SBF2: variants seen among roughly 807,000 people sequenced by gnomAD.
SBF2 encodes the protein SET binding factor 2.
Under a neutral mutation model 225.2 loss-of-function variants are expected in SBF2, and 112 were observed. The ratio of observed to expected loss-of-function variants is 0.50; its 90% CI spans 0.43 to 0.58. SBF2 has a LOEUF of 0.58. Among genes scored for constraint, SBF2 ranks in the 20% least tolerant of loss-of-function variants. The pLI is 0.00. For synonymous variants in SBF2, 763 were observed against 773.3 expected, an observed-to-expected ratio of 0.99 and a Z score of 0.22; for missense variants, 1,996 against 2,206.2, an observed-to-expected ratio of 0.90 and a Z score of 1.91.
intron 1 of SBF2, among the ~76,000 whole-genome samples, chr11:10,208,746 G>T (rs1044383294): frequency 1.3e-5 from 2 of 151,982 alleles, no homozygotes; most frequent in Non-Finnish European, 2.9e-5. Flanking sequence ...TAAAATTTCA[G>T]ACAAATTTCT....
chr11:10,180,688 T>A (rs1232349868), intron 2 of SBF2, among the ~76,000 whole-genome samples: 1 of 152,162 alleles, frequency 6.6e-6, no homozygotes, highest in Non-Finnish European at 1.5e-5. Flanking sequence ...TACCTCCTCT[T>A]TAAGGCCAAT....
chr11:10,117,466 T>C (rs1399621094), intron 2 of SBF2, among the ~76,000 whole-genome samples: 3 of 150,016 alleles, frequency 2.0e-5, no homozygotes, highest in Admixed American at 6.6e-5. Flanking sequence ...AAAAAAGATA[T>C]GTATCAAATC....
intron 17 of SBF2, among the ~76,000 whole-genome samples, chr11:9,882,543 T>C (rs1859861062): frequency 6.6e-6 from 1 of 152,156 alleles, no homozygotes; most frequent in Non-Finnish European, 1.5e-5. Context: ...GCATGGTGGC[T>C]CATGTCTGTA....
At chr11:9,896,181 G>C (rs886230055) in intron 16 of SBF2, among the ~76,000 whole-genome samples, 170 bp from the exon 17 acceptor site, 6 of 152,172 alleles carry the variant, frequency 3.9e-5, no homozygotes, top group African/African-American at 1.4e-4. Flanking sequence ...TTGCCATTAA[G>C]ACATAGCTAG....
intron 1 of SBF2, among the ~76,000 whole-genome samples, chr11:10,208,563 G>A (rs897739648): frequency 2.0e-5 from 3 of 151,924 alleles, no homozygotes; most frequent in African/African-American, 7.3e-5. Flanking sequence ...GTGAAGACGT[G>A]TGGCAGGAAA....
intron 17 of SBF2, among the ~76,000 whole-genome samples, chr11:9,865,548 G>T (rs547772263): frequency 8.6e-4 from 123 of 142,892 alleles, no homozygotes; most frequent in Non-Finnish European, 1.5e-3. Context: ...AAATTAGCTG[G>T]GTGTGGTGGC....
At chr11:10,223,812 T>C (rs1958439197) in intron 1 of SBF2, among the ~76,000 whole-genome samples, 2 of 152,104 alleles carry the variant, frequency 1.3e-5, no homozygotes, top group African/African-American at 2.4e-5. Context: ...AACTGTTCAC[T>C]TGGAGATGAC....
At chr11:10,215,177 T>G (rs569197440) in intron 1 of SBF2, among the ~76,000 whole-genome samples, 1 of 152,336 alleles carries the variant, frequency 6.6e-6, no homozygotes, top group Non-Finnish European at 1.5e-5. Context: ...TCTCCCCAGG[T>G]GGTTCACTTC....
Position 10,129,389 on chromosome 11 carries a change from C to A in SBF2, c.141+64513G>T, listed in dbSNP as rs1222350473. ...GACTGCTGGGATTACAGGCATGAGCCACCGCGCCCGGCCAATTTTCTCTCC... is the reference window on the plus strand; with the variant it reads ...GACTGCTGGGATTACAGGCATGAGCAACCGCGCCCGGCCAATTTTCTCTCC... On this transcript the variant is annotated intron_variant, in intron 2 of 39. Transcript: ENST00000256190. 2.6e-5 allele frequency among the ~76,000 whole-genome samples: 4 copies of A among 152,122 alleles called. No homozygotes were observed. The East Asian group carries it at 7.7e-4, about 29-fold the overall frequency.
chr11:9,892,031 C>G (rs901343087), intron 17 of SBF2, among the ~76,000 whole-genome samples: 3 of 152,082 alleles, frequency 2.0e-5, no homozygotes, highest in African/African-American at 7.2e-5. Context: ...GAGAGGATGA[C>G]CAAGATGTAC....
intron 6 of SBF2, chr11:10,016,934 T>C (rs1287125630): frequency 6.6e-6 from 1 of 152,234 alleles, no homozygotes; most frequent in Admixed American, 6.5e-5. Flanking sequence ...CAGTTTTCTA[T>C]ATAACTGAAT....
intron 18 of SBF2, 73 bp downstream of exon 18, chr11:9,858,153 C>T (rs1857455049): frequency 6.4e-7 from 1 of 1,573,572 alleles, no homozygotes; most frequent in Non-Finnish European, 8.7e-7. Flanking sequence ...TTTTTTTTGC[C>T]CTGGGAACAT....
chr11:9,925,566 G>A (rs1363788273), intron 16 of SBF2, among the ~76,000 whole-genome samples: 2 of 152,168 alleles, frequency 1.3e-5, no homozygotes, highest in African/African-American at 2.4e-5. Flanking sequence ...GTGAGCCACC[G>A]TGCCCGTCCA....
In SBF2 at chr11:10,247,781, C is replaced by A. The variant is rs149244726; in HGVS notation, c.55+46234G>T. 1.9e-4 allele frequency among the ~76,000 whole-genome samples: 29 copies of A among 152,240 alleles called. 1 individual carries two copies. The highest frequency in any genetic ancestry group is 6.5e-4 in the African/African-American group (27 of 41,554). On this transcript the variant is annotated intron_variant, in intron 1 of 39. Coordinates refer to ENST00000256190, the MANE Select transcript of SBF2 (RefSeq NM_030962.4). Reference sequence around the variant, plus strand: ...CATAGAAGCCTACAACAATCATCCTCCTCACAGGAACACCAAATTGAACAA... The same window carrying A: ...CATAGAAGCCTACAACAATCATCCTACTCACAGGAACACCAAATTGAACAA...
intron 6 of SBF2, among the ~76,000 whole-genome samples, chr11:10,017,489 T>C (rs1290843335): frequency 6.6e-6 from 1 of 152,176 alleles, no homozygotes; most frequent in Non-Finnish European, 1.5e-5. Flanking sequence ...GACACTAGAA[T>C]ATAGCAGTGA....
At chr11:9,998,431 A>C (rs751893732) in intron 8 of SBF2, 52 bp from the exon 9 acceptor site, 2 of 1,008,806 alleles carry the variant, frequency 2.0e-6, no homozygotes, top group East Asian at 4.8e-5. Flanking sequence ...ATTTGTTGTT[A>C]AGCAAATTAT....
At chr11:10,256,934 A>T (rs1202249967) in intron 1 of SBF2, among the ~76,000 whole-genome samples, 1 of 152,248 alleles carries the variant, frequency 6.6e-6, no homozygotes, top group Non-Finnish European at 1.5e-5. Context: ...GATGAAAGAT[A>T]ATTATTTATT....
At chr11:10,171,938 G>A (rs928479439) in intron 2 of SBF2, among the ~76,000 whole-genome samples, 1 of 152,016 alleles carries the variant, frequency 6.6e-6, no homozygotes, top group Admixed American at 6.5e-5. Context: ...ACATATAGTT[G>A]GTCACAGTAG....
At chr11:9,967,947 G>GTCTCTCTCTCTCTCTC (rs1214352340) in intron 14 of SBF2, among the ~76,000 whole-genome samples, 1 of 100,242 alleles carries the variant, frequency 1.0e-5, no homozygotes, top group African/African-American at 3.8e-5. Context: ...CTGTCTGTCT[G>GTCTCTCTCTCTCTCTC]TCTCTCTCTC....
Sources: gnomAD v4.1 joint callset for allele counts (sites outside exome capture counted in the v4.1 genomes callset) on GRCh38, gnomAD v4.1.1 for gene constraint, MANE v1.5 for transcripts, NCBI Gene and HGNC (gene_info 2026-07-23, HGNC 2026-07-21) for gene names.